The following ZNF385D variants were observed in gnomAD, a reference collection of about 807,000 sequenced individuals.
ZNF385D encodes the protein zinc finger protein 659.
ZNF385D carries 15 observed loss-of-function variants against 35.8 expected under a neutral mutation model. The ratio of observed to expected loss-of-function variants is 0.42; its 90% CI spans 0.28 to 0.64. ZNF385D has a LOEUF of 0.64. Ranked by LOEUF, ZNF385D falls within the 30% of genes least tolerant of loss-of-function variation. ZNF385D has a pLI of 0.23. For synonymous variants in ZNF385D, 212 were observed against 186.8 expected, an observed-to-expected ratio of 1.13 and a Z score of -1.10; for missense variants, 474 against 494.6, an observed-to-expected ratio of 0.96 and a Z score of 0.39.
intron 3 of ZNF385D, among the ~76,000 whole-genome samples, chr3:21,928,642 TGAG>T (rs1700863800): frequency 6.6e-6 from 1 of 152,122 alleles, no homozygotes; most frequent in African/African-American, 2.4e-5. Flanking sequence ...ATTACCAAAT[TGAG>T]GAATCAGAGG....
intron 3 of ZNF385D, among the ~76,000 whole-genome samples, chr3:21,529,714 G>A (rs1243051342): frequency 6.6e-6 from 1 of 152,146 alleles, no homozygotes; most frequent in Non-Finnish European, 1.5e-5. Context: ...CACAGGTCTA[G>A]GAGCTGAGCA....
At chr3:21,684,365 C>CCTCTCTCTCTCTCTCT (rs373105142) in intron 1 of ZNF385D, among the ~76,000 whole-genome samples, 2 of 73,382 alleles carry the variant, frequency 2.7e-5, no homozygotes, top group African/African-American at 5.4e-5. Flanking sequence ...TAACTGTTCT[C>CCTCTCTCTCTCTCTCT]CTCTCTCTCT....
intron 2 of ZNF385D, among the ~76,000 whole-genome samples, chr3:22,327,600 T>C (rs1418714691): frequency 2.0e-5 from 3 of 152,254 alleles, no homozygotes; most frequent in African/African-American, 7.2e-5. Context: ...TAGGTCCATC[T>C]ACCAGATCAT....
chr3:21,524,419 A>G (rs142766729), intron 3 of ZNF385D, among the ~76,000 whole-genome samples: 1 of 152,320 alleles, frequency 6.6e-6, no homozygotes, highest in Non-Finnish European at 1.5e-5. Flanking sequence ...ATGGGACAAC[A>G]TATTTCCAAA....
chr3:22,295,001 A>T (rs954235508), intron 2 of ZNF385D, among the ~76,000 whole-genome samples: 2 of 152,024 alleles, frequency 1.3e-5, no homozygotes, highest in Non-Finnish European at 2.9e-5. Context: ...ACACTCACAC[A>T]CATGTTTCAC....
intron 1 of ZNF385D, among the ~76,000 whole-genome samples, chr3:21,746,802 T>C (rs2069792235): frequency 6.6e-6 from 1 of 152,232 alleles, no homozygotes; most frequent in Non-Finnish European, 1.5e-5. Context: ...TGTTTTTCTC[T>C]GCTGCCTGCT....
At chr3:21,796,029 C>A (rs1056937080) in intron 3 of ZNF385D, among the ~76,000 whole-genome samples, 4 of 152,294 alleles carry the variant, frequency 2.6e-5, no homozygotes, top group African/African-American at 9.6e-5. Flanking sequence ...ACTATCATAG[C>A]AGAGTCCAGA....
chr3:21,472,397 C>T (rs1291020347), intron 4 of ZNF385D, among the ~76,000 whole-genome samples: 1 of 152,050 alleles, frequency 6.6e-6, no homozygotes, highest in Non-Finnish European at 1.5e-5. Context: ...AGTAGGGTAT[C>T]CCTAAATAAA....
intron 3 of ZNF385D, among the ~76,000 whole-genome samples, chr3:22,151,552 A>T (rs897184998): frequency 1.3e-5 from 2 of 152,172 alleles, no homozygotes; most frequent in Non-Finnish European, 2.9e-5. Context: ...AAACAAACCA[A>T]CAAGGTCTGC....
chr3:22,037,655 G>C (rs977846868), intron 3 of ZNF385D, among the ~76,000 whole-genome samples: 3 of 152,050 alleles, frequency 2.0e-5, no homozygotes. Context: ...CCATTCTGTA[G>C]GTTGACTGTT....
chr3:22,315,275 A>C (rs1703823086), intron 2 of ZNF385D, among the ~76,000 whole-genome samples: 5 of 152,144 alleles, frequency 3.3e-5, no homozygotes, highest in Admixed American at 2.6e-4. Context: ...CAAGTTTGGG[A>C]AACAATGACT....
Position 21,608,023 on chromosome 3 carries a change from G to GTTTTTTTTTGGTTTTTTTTTTTTTTTT in ZNF385D, c.166-43340_166-43339insAAAAAAAAAAAAAAAACCAAAAAAAAA, listed in dbSNP as rs1553622610. On this transcript the variant is annotated intron_variant, in intron 2 of 7. Transcript: ENST00000281523. The stretch of plus-strand genomic sequence containing the variant: ...TAATTCTTTTTCTTCTTTTTTTTTT[G>GTTTTTTTTTGGTTTTTTTTTTTTTTTT]TTTTTTTTTTTTGAGTCTTGCTGTC... Among the ~76,000 whole-genome samples the GTTTTTTTTTGGTTTTTTTTTTTTTTTT allele has an allele frequency of 1.0e-4, 12 of 120,238 alleles. 1 individual carries two copies. Among genetic ancestry groups the GTTTTTTTTTGGTTTTTTTTTTTTTTTT allele is most frequent in the Admixed American group, 1.8e-4 (2 of 10,884 alleles). The allele number at this position is 120,238 out of a possible 152,430, so 78.9% of individuals were successfully genotyped here. A position where few individuals can be genotyped will look rare whatever the true frequency, so the allele number is the denominator to read the frequency against.
intron 3 of ZNF385D, among the ~76,000 whole-genome samples, chr3:21,867,273 G>A (rs596402): frequency 0.42 from 63,264 of 151,902 alleles, 13,411 homozygotes; most frequent in Non-Finnish European, 0.43. Flanking sequence ...ATTAGGCCTC[G>A]TCTCCTGACA....
At chr3:22,049,812 G>C (rs1432660925) in intron 3 of ZNF385D, among the ~76,000 whole-genome samples, 1 of 152,092 alleles carries the variant, frequency 6.6e-6, no homozygotes, top group Non-Finnish European at 1.5e-5. Context: ...GCTGATTTGT[G>C]TATGTTGAGC....
chr3:21,934,069 T>C (rs922433457), intron 3 of ZNF385D, among the ~76,000 whole-genome samples: 27 of 151,914 alleles, frequency 1.8e-4, no homozygotes, highest in African/African-American at 6.5e-4. Context: ...TAGAAAGAAA[T>C]CATTCTTTCA....
chr3:21,480,389 C>T (rs1704541964), intron 4 of ZNF385D, among the ~76,000 whole-genome samples: 1 of 152,058 alleles, frequency 6.6e-6, no homozygotes, highest in Non-Finnish European at 1.5e-5. Context: ...GGGTGTGAGC[C>T]ACCGTGCCCA....
intron 4 of ZNF385D, among the ~76,000 whole-genome samples, chr3:21,442,181 AACATGGAGCAGCCAAGTT>A (rs1701894405): frequency 6.6e-6 from 1 of 152,192 alleles, no homozygotes; most frequent in Admixed American, 6.5e-5. Context: ...TTTGGATAGT[AACATGGAGCAGCCAAGTT>A]ACATGGTCTG....
intron 3 of ZNF385D, among the ~76,000 whole-genome samples, chr3:21,888,171 A>G (rs377260628): frequency 6.2e-4 from 95 of 152,294 alleles, no homozygotes; most frequent in African/African-American, 2.2e-3. Context: ...TGTATCAAGT[A>G]TAACAGTTCA....
chr3:21,580,795 GTC>G (rs1290216427), intron 2 of ZNF385D, among the ~76,000 whole-genome samples: 2 of 136,530 alleles, frequency 1.5e-5, no homozygotes, highest in Non-Finnish European at 3.4e-5. Context: ...GTATGTTTGT[GTC>G]TATGTGTGTG....
Sources: gnomAD v4.1 joint callset for allele counts (sites outside exome capture counted in the v4.1 genomes callset) on GRCh38, gnomAD v4.1.1 for gene constraint, MANE v1.5 for transcripts, NCBI Gene and HGNC (gene_info 2026-07-23, HGNC 2026-07-21) for gene names.